The following RAB12 variants were observed in gnomAD, a reference collection of about 807,000 sequenced individuals.
RAB12 encodes the protein ras-related protein Rab-12.
A neutral mutation model predicts 28.4 loss-of-function variants in RAB12; 11 were observed. The observed-to-expected ratio is 0.39, with a 90% confidence interval of 0.24 to 0.64. The LOEUF (loss-of-function observed/expected upper bound fraction) is 0.64, where lower values mean the gene tolerates loss of function less well. Among genes scored for constraint, RAB12 ranks in the 30% least tolerant of loss-of-function variants. The pLI is 0.50. For missense variants in RAB12, 276 were observed against 351.1 expected, an observed-to-expected ratio of 0.79 and a Z score of 1.71; for synonymous variants, 138 against 145.3, an observed-to-expected ratio of 0.95 and a Z score of 0.36.
chr18:8,633,509 T>G (rs1393596454), intron 3 of RAB12, among the ~76,000 whole-genome samples, 182 bp downstream of exon 3: 3 of 152,188 alleles, frequency 2.0e-5, no homozygotes, highest in African/African-American at 7.2e-5. Context: ...CAAAGAAGAA[T>G]TAAATTTATC....
chr18:8,632,988 G>T (rs1489144846), intron 2 of RAB12: 2 of 584,020 alleles, frequency 3.4e-6, no homozygotes, highest in African/African-American at 3.8e-5. Flanking sequence ...AAATATAAAG[G>T]TATTTTCTAT....
intron 2 of RAB12, among the ~76,000 whole-genome samples, chr18:8,628,067 T>A (rs1462860563): frequency 6.6e-6 from 1 of 152,178 alleles, no homozygotes; most frequent in Non-Finnish European, 1.5e-5. Flanking sequence ...TAGTAAACGA[T>A]GATTGAGCTG....
At position 8,619,007 on chromosome 18, in the gene RAB12, T is replaced by TAG. The variant is rs1217593369; in HGVS notation, c.515-5930_515-5929dup. ...TGAAAATGCTTACAATCCAATCCCT[T>TAG]AGTAGAATATTATATCCAATTTAAC... On this transcript the variant is annotated intron_variant, in intron 1 of 5. Transcript: ENST00000649141. 2.0e-5 allele frequency among the ~76,000 whole-genome samples: 3 copies of TAG among 152,298 alleles called. No individual in the cohort carries two copies. In the East Asian group the frequency reaches 5.8e-4, roughly 29 times the overall value.
At position 8,609,859 on chromosome 18, in the gene RAB12, G is replaced by T; in HGVS notation, c.420G>T (p.Gln140His). The T allele has an allele frequency of 6.3e-7, 1 of 1,595,436 alleles. No homozygotes were observed. The highest frequency in any genetic ancestry group is 8.5e-7 in the Non-Finnish European group (1 of 1,172,408). The change falls in exon 1 of 6, where the codon CAG (glutamine) becomes CAT (histidine). Residue 140 changes from glutamine to histidine, a missense_variant. Gln to His is a conservative substitution (Grantham distance 24, BLOSUM62 0). This residue lies in a region of RAB12 where 76 missense variants were observed against 117.9 expected (regional missense o/e 0.64). Transcript: ENST00000649141. ...CCAGGCCGGCCGACTTCAAGTTGCA[G>T]GTCATCATTATCGGCTCCCGCGGCG... ...QPPRPADFKL[Q>H]VIIIGSRGVG...
chr18:8,612,628 C>T (rs2096004478), intron 1 of RAB12, among the ~76,000 whole-genome samples: 1 of 152,162 alleles, frequency 6.6e-6, no homozygotes, highest in South Asian at 2.1e-4. Flanking sequence ...TTGTCTAATT[C>T]CTAGGCTAGG....
chr18:8,628,520 C>T (rs1032706729), intron 2 of RAB12, among the ~76,000 whole-genome samples: 1 of 152,162 alleles, frequency 6.6e-6, no homozygotes, highest in Non-Finnish European at 1.5e-5. Flanking sequence ...AAGGAATGGG[C>T]TTAAATGGGG....
rs764295987 is a variant in RAB12, at chr18:8,633,303, G to T, written c.690G>T (p.Pro230=). 1.2e-6 allele frequency: 2 copies of T among 1,613,992 alleles called. No individual in the cohort carries two copies. Among genetic ancestry groups the T allele is most frequent in the South Asian group, 2.2e-5 (2 of 91,026 alleles). Residue 230 remains proline (P), a synonymous_variant, in exon 3 of 6, where the codon CCG becomes CCT. Coordinates refer to ENST00000649141, the MANE Select transcript of RAB12 (RefSeq NM_001025300.3). ...ITKKETFDDL[P]KWMKMIDKYA... Reference sequence around the variant, plus strand: ...AGAAGGAGACATTTGATGATTTGCCGAAATGGATGAAGATGATTGATAAGG... The same window carrying T: ...AGAAGGAGACATTTGATGATTTGCCTAAATGGATGAAGATGATTGATAAGG...
In RAB12 at chr18:8,638,279, CAA is replaced by C; in HGVS notation, c.*19_*20del. On this transcript the variant is annotated 3_prime_UTR_variant, in exon 6 of 6. Transcript: ENST00000649141. ...TGCTGTTGATTTCCTACTTTGGAGA[CAA>C]AGTGGAAATGATTCCTGGAAAGGGG... The C allele has an allele frequency of 7.1e-6, 11 of 1,551,632 alleles. No individual in the cohort carries two copies. The highest frequency in any genetic ancestry group is 9.8e-6 in the Non-Finnish European group (11 of 1,124,218).
chr18:8,629,108 C>T (rs1457464013), intron 2 of RAB12, among the ~76,000 whole-genome samples: 2 of 152,088 alleles, frequency 1.3e-5, no homozygotes, highest in Admixed American at 6.6e-5. Flanking sequence ...TCAAATAGCA[C>T]AGAATATTTT....
At chr18:8,620,325 C>G (rs321657) in intron 1 of RAB12, among the ~76,000 whole-genome samples, 9 of 151,930 alleles carry the variant, frequency 5.9e-5, no homozygotes, top group African/African-American at 2.2e-4. Context: ...TCTCACCAGA[C>G]TAATTCACCT....
chr18:8,627,396 A>G (rs1223232478), intron 2 of RAB12, among the ~76,000 whole-genome samples: 2 of 152,194 alleles, frequency 1.3e-5, no homozygotes, highest in Non-Finnish European at 2.9e-5. Context: ...GAAGTGCATT[A>G]TTTACTATAG....
intron 1 of RAB12, among the ~76,000 whole-genome samples, chr18:8,614,765 T>C (rs998848509): frequency 6.6e-5 from 10 of 152,118 alleles, no homozygotes; most frequent in African/African-American, 2.2e-4. Context: ...TTTGTATTTT[T>C]AGTAGTGACA....
intron 1 of RAB12, 32 bp downstream of exon 1, chr18:8,609,985 C>G (rs2096002781): frequency 6.4e-7 from 1 of 1,551,648 alleles, no homozygotes; most frequent in Non-Finnish European, 8.8e-7. Context: ...TGGGCCGGGC[C>G]TCCTGGCGCC....
intron 1 of RAB12, among the ~76,000 whole-genome samples, chr18:8,617,431 A>G (rs560930542): frequency 7.8e-4 from 118 of 152,008 alleles, no homozygotes; most frequent in African/African-American, 2.8e-3. Context: ...GAAAATGTTA[A>G]TAATCCACTG....
At chr18:8,625,218 G>GTT (rs2096012028) in intron 2 of RAB12, among the ~76,000 whole-genome samples, 1 of 152,236 alleles carries the variant, frequency 6.6e-6, no homozygotes, top group Non-Finnish European at 1.5e-5. Flanking sequence ...GTGGACAGAA[G>GTT]AATGTTACTT....
At position 8,620,148 on chromosome 18, in the gene RAB12, T is replaced by TTC. The variant is rs2096009035; in HGVS notation, c.515-4789_515-4788insCT. On this transcript the variant is annotated intron_variant, in intron 1 of 5. Coordinates refer to ENST00000649141, the MANE Select transcript of RAB12 (RefSeq NM_001025300.3). Reference sequence around the variant, plus strand: ...TTTTTTTTTTCTTCTTCTTTTTTTTTTTTTTTTTTTTTGCTTCAAAAAAAA... The same window carrying TTC: ...TTTTTTTTTTCTTCTTCTTTTTTTTTTCTTTTTTTTTTTTGCTTCAAAAAAAA... 2.3e-5 allele frequency among the ~76,000 whole-genome samples: 2 copies of TTC among 85,454 alleles called. 1 individual carries two copies. The highest frequency in any genetic ancestry group is 4.8e-5 in the Non-Finnish European group (2 of 41,472). 56.1% of individuals were successfully genotyped at this position (85,454 alleles called of 152,430 possible).
chr18:8,633,389 AAAG>A, intron 3 of RAB12, 62 bp downstream of exon 3: 4 of 1,576,822 alleles, frequency 2.5e-6, no homozygotes, highest in Non-Finnish European at 3.5e-6. Flanking sequence ...ATCATTATTA[AAAG>A]AAGGAGGGGA....
intron 1 of RAB12, among the ~76,000 whole-genome samples, chr18:8,617,049 C>T (rs762856026): frequency 2.0e-5 from 3 of 152,216 alleles, no homozygotes; most frequent in African/African-American, 4.8e-5. Context: ...AGCTCCAGGA[C>T]AGGCTGCCAG....
chr18:8,625,750 T>C (rs1380811086), intron 2 of RAB12, among the ~76,000 whole-genome samples: 2 of 152,202 alleles, frequency 1.3e-5, no homozygotes, highest in African/African-American at 4.8e-5. Flanking sequence ...TGCCGTTTTG[T>C]TTTGAATGCT....
Sources: gnomAD v4.1 joint callset for allele counts (sites outside exome capture counted in the v4.1 genomes callset) on GRCh38, gnomAD v4.1.1 for gene constraint, gnomAD v4.1.1 regional missense constraint, MANE v1.5 for transcripts, NCBI Gene and HGNC (gene_info 2026-07-23, HGNC 2026-07-21) for gene names.